Variants in DERA observed in about 807,000 individuals in gnomAD.
The protein encoded by DERA is 2-deoxy-D-ribose 5-phosphate aldolase.
Under a neutral mutation model 41.1 loss-of-function variants are expected in DERA, and 15 were observed. The ratio of observed to expected loss-of-function variants is 0.37; its 90% CI spans 0.24 to 0.56. DERA has a LOEUF of 0.56. Ranked by LOEUF, DERA falls within the 20% of genes least tolerant of loss-of-function variation. DERA has a pLI of 0.81. For missense variants in DERA, 396 were observed against 403.4 expected (o/e 0.98, Z 0.16); for synonymous variants, 139 against 137.4 (o/e 1.01, Z -0.08).
chr12:15,926,742 G>GAAAAAAA lies in DERA; in HGVS notation c.31+15341_31+15347dup, dbSNP rs71051274. 1.2e-4 allele frequency among the ~76,000 whole-genome samples: 15 copies of GAAAAAAA among 120,316 alleles called. 1 individual carries two copies. Among genetic ancestry groups the GAAAAAAA allele is most frequent in the African/African-American group, 2.0e-4 (6 of 30,422 alleles). 78.9% of individuals were successfully genotyped at this position (120,316 alleles called of 152,430 possible). A position where few individuals can be genotyped will look rare whatever the true frequency, so the allele number is the denominator to read the frequency against. ...ACAGAGCGAGACTCCGTCTCAAAAA[G>GAAAAAAA]AAAAAAAAAAAAAAAAAAAGAAACA... On this transcript the variant is annotated intron_variant, in intron 1 of 8. Transcript: ENST00000428559.
At chr12:15,950,413 C>G (rs1050927676) in intron 1 of DERA, among the ~76,000 whole-genome samples, 1 of 152,128 alleles carries the variant, frequency 6.6e-6, no homozygotes, top group African/African-American at 2.4e-5. Flanking sequence ...CTCTCATAGC[C>G]ATTTTGGTTT....
At chr12:15,975,098 C>T (rs143426301) in intron 5 of DERA, among the ~76,000 whole-genome samples, 6 of 152,160 alleles carry the variant, frequency 3.9e-5, no homozygotes, top group South Asian at 2.1e-4. Flanking sequence ...TTTCTCAAGA[C>T]GGAAATTACA....
rs1273445590 is a variant in DERA at position 16,017,145 on chromosome 12, T to C, written c.638-15397T>C. 1.3e-5 allele frequency among the ~76,000 whole-genome samples: 2 copies of C among 152,226 alleles called. No individual in the cohort carries two copies. Among genetic ancestry groups the C allele is most frequent in the African/African-American group, 4.8e-5 (2 of 41,458 alleles). ...ATTATTTTAAATGGTTGCAACTTTATTTTTATTGAGGGGAAGGCATCCGGA... is the reference window on the plus strand; with the variant it reads ...ATTATTTTAAATGGTTGCAACTTTACTTTTATTGAGGGGAAGGCATCCGGA... On this transcript the variant is annotated intron_variant, in intron 6 of 8. Coordinates refer to ENST00000428559, the MANE Select transcript of DERA (RefSeq NM_015954.4). The surrounding 1 kb of genome is among the most constrained non-coding windows in gnomAD (Gnocchi z 5.5).
intron 6 of DERA, 34 bp from the exon 7 acceptor site, chr12:16,032,508 A>T: frequency 8.4e-7 from 1 of 1,191,302 alleles, no homozygotes; most frequent in Non-Finnish European, 1.1e-6. Context: ...AAGAATCTTT[A>T]ATTAACATGG....
chr12:15,945,633 C>G (rs544548022), intron 1 of DERA, among the ~76,000 whole-genome samples: 1 of 152,118 alleles, frequency 6.6e-6, no homozygotes, highest in Non-Finnish European at 1.5e-5. Flanking sequence ...GGGGTTGAGA[C>G]GATGGGGTTT....
rs1948808167 is a variant in DERA, at chr12:15,992,384, G to A, written c.637+9948G>A. Among the ~76,000 whole-genome samples the A allele has an allele frequency of 6.6e-6, 1 of 152,088 alleles. No individual in the cohort carries two copies. Among genetic ancestry groups the A allele is most frequent in the African/African-American group, 2.4e-5 (1 of 41,432 alleles). On this transcript the variant is annotated intron_variant, in intron 6 of 8. Transcript: ENST00000428559. The surrounding 1 kb of genome is among the most constrained non-coding windows in gnomAD (Gnocchi z 4.3). ...GAGAGACAATTTATATTTTAACAAG[G>A]ATATTGTATTTCTAAAGCAATGTAA...
Position 15,954,175 on chromosome 12 carries a change from T to C in DERA, c.32-2761T>C, listed in dbSNP as rs1237680021. 1.3e-5 allele frequency among the ~76,000 whole-genome samples: 2 copies of C among 152,210 alleles called. No homozygotes were observed. The highest frequency in any genetic ancestry group is 2.9e-5 in the Non-Finnish European group (2 of 68,042). ...ATTCATACCTCAGTCCCATATTTTCTTGTAGAGATCCAAAAGCCCTTTCTA... is the reference window on the plus strand; with the variant it reads ...ATTCATACCTCAGTCCCATATTTTCCTGTAGAGATCCAAAAGCCCTTTCTA... On this transcript the variant is annotated intron_variant, in intron 1 of 8. Coordinates refer to ENST00000428559, the MANE Select transcript of DERA (RefSeq NM_015954.4). This position sits in a 1 kb window ranked among gnomAD's most constrained non-coding sequence, Gnocchi z 4.0.
At chr12:15,917,494 A>G (rs1024137757) in intron 1 of DERA, among the ~76,000 whole-genome samples, 1 of 152,310 alleles carries the variant, frequency 6.6e-6, no homozygotes, top group East Asian at 1.9e-4. Flanking sequence ...TTTCTAACAT[A>G]ATCTCTTTTA....
Position 16,008,495 on chromosome 12 carries a change from T to C in DERA, c.638-24047T>C, listed in dbSNP as rs991404308. Among the ~76,000 whole-genome samples the C allele has an allele frequency of 6.6e-6, 1 of 152,216 alleles. No homozygotes were observed. The highest frequency in any genetic ancestry group is 1.5e-5 in the Non-Finnish European group (1 of 68,030). Reference sequence around the variant, plus strand: ...GTGAGGGAAGGATAACTCGTGTCCCTGGTTGCAGAGTCTGAGTGATCCCCC... The same window carrying C: ...GTGAGGGAAGGATAACTCGTGTCCCCGGTTGCAGAGTCTGAGTGATCCCCC... On this transcript the variant is annotated intron_variant, in intron 6 of 8. Transcript: ENST00000428559. This position sits in a 1 kb window ranked among gnomAD's most constrained non-coding sequence, Gnocchi z 4.8.
At chr12:15,953,347 G>GA (rs1208990240) in intron 1 of DERA, among the ~76,000 whole-genome samples, 2 of 152,134 alleles carry the variant, frequency 1.3e-5, no homozygotes, top group Non-Finnish European at 2.9e-5. Context: ...GGAATACTGT[G>GA]AAAAATACAG....
chr12:16,020,094 C>A lies in DERA; in HGVS notation c.638-12448C>A, dbSNP rs192672520. ...AGCCTCCCAGGAGCCTCTCTAGGAG[C>A]AGATCCAAGCACCACACTTACTGTA... On this transcript the variant is annotated intron_variant, in intron 6 of 8. Coordinates refer to ENST00000428559, the MANE Select transcript of DERA (RefSeq NM_015954.4). The surrounding 1 kb of genome is among the most constrained non-coding windows in gnomAD (Gnocchi z 5.5). Among the ~76,000 whole-genome samples, 895 of 152,310 alleles carry A rather than the reference C, an allele frequency of 5.9e-3. 8 individuals are homozygous for A. The highest frequency in any genetic ancestry group is 0.02 in the African/African-American group (832 of 41,566).
chr12:15,922,127 A>G lies in DERA; in HGVS notation c.31+10713A>G, dbSNP rs1013878483. Among the ~76,000 whole-genome samples the G allele has an allele frequency of 1.5e-4, 23 of 152,284 alleles. No individual in the cohort carries two copies. Among genetic ancestry groups the G allele is most frequent in the African/African-American group, 5.1e-4 (21 of 41,562 alleles). Reference sequence around the variant, plus strand: ...CACTGTCCATGTCTTTGTGAAAGCTATAAGAGCAATAGAACTTAGGAGCCC... The same window carrying G: ...CACTGTCCATGTCTTTGTGAAAGCTGTAAGAGCAATAGAACTTAGGAGCCC... On this transcript the variant is annotated intron_variant, in intron 1 of 8. Coordinates refer to ENST00000428559, the MANE Select transcript of DERA (RefSeq NM_015954.4). The surrounding 1 kb of genome is among the most constrained non-coding windows in gnomAD (Gnocchi z 4.9).
rs139048253 is a variant in DERA, at chr12:16,028,565, G to A, written c.638-3977G>A. ...TAATGACTTCTTTTCAAAGAGTACA[G>A]TATGAAAAATGGGGGAAAAAGATTA... On this transcript the variant is annotated intron_variant, in intron 6 of 8. Coordinates refer to ENST00000428559, the MANE Select transcript of DERA (RefSeq NM_015954.4). Among the ~76,000 whole-genome samples, 995 of 152,264 alleles carry A rather than the reference G, an allele frequency of 6.5e-3. 3 individuals are homozygous for A. The highest frequency in any genetic ancestry group is 0.016 in the Admixed American group (241 of 15,292).
rs7299985 is a variant in DERA, at chr12:15,918,186, T to G, written c.31+6772T>G. On this transcript the variant is annotated intron_variant, in intron 1 of 8. Coordinates refer to ENST00000428559, the MANE Select transcript of DERA (RefSeq NM_015954.4). The surrounding 1 kb of genome is among the most constrained non-coding windows in gnomAD (Gnocchi z 4.3). The stretch of plus-strand genomic sequence containing the variant: ...CTGAGCTGGGCCTCCCTCCTGTGAG[T>G]CTGCCTTCCTCATCCCGCTGGTGCT... Among the ~76,000 whole-genome samples the G allele has an allele frequency of 0.1, 15,915 of 152,172 alleles. 2,748 individuals carry two copies. The highest frequency in any genetic ancestry group is 0.36 in the African/African-American group (14,824 of 41,462).
chr12:15,974,230 A>G (rs7302205), intron 5 of DERA, among the ~76,000 whole-genome samples: 94,706 of 151,994 alleles, frequency 0.62, 29,860 homozygotes, highest in East Asian at 0.82. Context: ...CATCAAAATC[A>G]GGAAATTAAC....
intron 1 of DERA, among the ~76,000 whole-genome samples, chr12:15,925,058 T>C (rs1390736613): frequency 2.0e-5 from 3 of 152,230 alleles, no homozygotes; most frequent in African/African-American, 7.2e-5. Flanking sequence ...TTTTACTGCC[T>C]GGTGTACCAA....
At chr12:16,030,846 A>G (rs1949087946) in intron 6 of DERA, among the ~76,000 whole-genome samples, 1 of 152,312 alleles carries the variant, frequency 6.6e-6, no homozygotes, top group Non-Finnish European at 1.5e-5. Context: ...GGTAGTACTC[A>G]GTAAATATTT....
rs1948817179 is a variant in DERA at position 15,993,634 on chromosome 12, CATTT to C, written c.637+11204_637+11207del. On this transcript the variant is annotated intron_variant, in intron 6 of 8. Coordinates refer to ENST00000428559, the MANE Select transcript of DERA (RefSeq NM_015954.4). This position sits in a 1 kb window ranked among gnomAD's most constrained non-coding sequence, Gnocchi z 4.4. ...TAAGAGATAAAAGATTTAAAGTGTACATTTATTTACAGTTCCTTAAACTAGCCCT... is the reference window on the plus strand; with the variant it reads ...TAAGAGATAAAAGATTTAAAGTGTACATTTACAGTTCCTTAAACTAGCCCT... Among the ~76,000 whole-genome samples the C allele has an allele frequency of 2.0e-5, 3 of 152,044 alleles. No individual in the cohort carries two copies. The South Asian group carries it at 6.2e-4, about 32-fold the overall frequency.
Position 15,957,840 on chromosome 12 carries a change from G to A in DERA, c.130-348G>A, listed in dbSNP as rs1016861735. Among the ~76,000 whole-genome samples, 14 of 152,112 alleles carry A rather than the reference G, an allele frequency of 9.2e-5. No homozygotes were observed. The highest frequency in any genetic ancestry group is 1.9e-4 in the African/African-American group (8 of 41,414). On this transcript the variant is annotated intron_variant, in intron 2 of 8. Transcript: ENST00000428559. The surrounding 1 kb of genome is among the most constrained non-coding windows in gnomAD (Gnocchi z 4.8). ...AAATGTAAGGTAGAAACCTTCTTTC[G>A]GAGTTCTTCTTTGTCAGGGTGGCTC...
Sources: gnomAD v4.1 joint callset for allele counts (sites outside exome capture counted in the v4.1 genomes callset) on GRCh38, gnomAD v4.1.1 for gene constraint, Gnocchi (gnomAD v3.1) non-coding constraint, MANE v1.5 for transcripts, NCBI Gene and HGNC (gene_info 2026-07-23, HGNC 2026-07-21) for gene names.